The following PTPRD variants were observed in gnomAD, a reference collection of about 807,000 sequenced individuals.
PTPRD encodes receptor-type tyrosine-protein phosphatase delta.
A neutral mutation model predicts 214.5 loss-of-function variants in PTPRD; 34 were observed. The ratio of observed to expected loss-of-function variants is 0.16; its 90% CI spans 0.12 to 0.21. PTPRD has a LOEUF of 0.21. Among genes scored for constraint, PTPRD ranks in the 10% least tolerant of loss-of-function variants. The pLI, the probability that PTPRD is intolerant of heterozygous loss-of-function variation, is 1.00. For missense variants in PTPRD, 2,545 were observed against 2,398.7 expected (o/e 1.06, Z -1.27); for synonymous variants, 1,128 against 845.7 (o/e 1.33, Z -5.79).
Position 9,477,460 on chromosome 9 carries a change from T to C in PTPRD, c.-236-79978A>G, listed in dbSNP as rs559519191. 3.9e-5 allele frequency among the ~76,000 whole-genome samples: 6 copies of C among 152,324 alleles called. No homozygotes were observed. In the South Asian group the frequency reaches 1.0e-3, roughly 26 times the overall value. On this transcript the variant is annotated intron_variant, in intron 8 of 45. Coordinates refer to ENST00000381196, the MANE Select transcript of PTPRD (RefSeq NM_002839.4). The stretch of plus-strand genomic sequence containing the variant: ...TATTAAATCAAAACTATCTGAGGCA[T>C]AAGAGGAGGTGTAGTCACCCCACTC...
intron 10 of PTPRD, among the ~76,000 whole-genome samples, chr9:9,036,358 C>CA (rs2099621869): frequency 6.6e-6 from 1 of 151,870 alleles, no homozygotes; most frequent in Admixed American, 6.6e-5. Flanking sequence ...CAAGTGAAGA[C>CA]ACTGAGACAA....
intron 4 of PTPRD, among the ~76,000 whole-genome samples, chr9:10,023,725 G>T (rs1177649190): frequency 6.7e-6 from 1 of 150,034 alleles, no homozygotes. Flanking sequence ...TGCAATTTAG[G>T]GCCTAAGTAC....
chr9:10,501,832 T>C (rs2043824128), intron 2 of PTPRD, among the ~76,000 whole-genome samples: 1 of 151,970 alleles, frequency 6.6e-6, no homozygotes, highest in African/African-American at 2.4e-5. Flanking sequence ...ACAGAAGGTA[T>C]AGACGAATGC....
intron 2 of PTPRD, among the ~76,000 whole-genome samples, chr9:10,512,186 G>GAAGGT (rs79401803): frequency 2.0e-5 from 3 of 150,796 alleles, no homozygotes; most frequent in South Asian, 2.1e-4. Flanking sequence ...TACAAAAAAA[G>GAAGGT]CTTATTTACC....
chr9:10,182,259 C>CAAAAAAAAAA (rs3075574), intron 3 of PTPRD, among the ~76,000 whole-genome samples: 14 of 54,440 alleles, frequency 2.6e-4, no homozygotes, highest in African/African-American at 6.4e-4. Flanking sequence ...GACTCTGCCT[C>CAAAAAAAAAA]AAAAAAAAAA....
At chr9:9,119,856 C>A (rs113062860) in intron 10 of PTPRD, among the ~76,000 whole-genome samples, 3,415 of 150,976 alleles carry the variant, frequency 0.023, 68 homozygotes, top group East Asian at 0.071. Flanking sequence ...TTTAATCTCA[C>A]AGAGAAAGAT....
intron 7 of PTPRD, among the ~76,000 whole-genome samples, chr9:9,576,518 A>T (rs9407428): frequency 6.6e-6 from 1 of 151,932 alleles, no homozygotes; most frequent in East Asian, 1.9e-4. Flanking sequence ...CCTCTCAAAA[A>T]AATCTAGTGT....
chr9:10,408,820 T>C (rs2154504055), intron 2 of PTPRD, among the ~76,000 whole-genome samples: 1 of 151,860 alleles, frequency 6.6e-6, no homozygotes, highest in South Asian at 2.1e-4. Flanking sequence ...TTGAGGGAAT[T>C]ACAGAAACAA....
intron 11 of PTPRD, among the ~76,000 whole-genome samples, chr9:8,798,735 A>C (rs2096501350): frequency 6.6e-6 from 1 of 152,210 alleles, no homozygotes; most frequent in South Asian, 2.1e-4. Context: ...ACAGGTAGTT[A>C]AATGCATTTA....
At chr9:9,686,163 T>C (rs985000267) in intron 7 of PTPRD, among the ~76,000 whole-genome samples, 1 of 151,384 alleles carries the variant, frequency 6.6e-6, no homozygotes, top group Non-Finnish European at 1.5e-5. Context: ...TTTTTTTTAA[T>C]TTTCAAATGT....
At chr9:9,626,659 T>C (rs1328367933) in intron 7 of PTPRD, among the ~76,000 whole-genome samples, 1 of 152,214 alleles carries the variant, frequency 6.6e-6, no homozygotes, top group Non-Finnish European at 1.5e-5. Context: ...TGAGTATTTA[T>C]GACACAAGTA....
intron 5 of PTPRD, among the ~76,000 whole-genome samples, chr9:9,893,929 C>A (rs1018610346): frequency 1.3e-5 from 2 of 152,018 alleles, no homozygotes; most frequent in Non-Finnish European, 2.9e-5. Flanking sequence ...CCTCCTGTCT[C>A]AACCTTTTGA....
chr9:10,208,050 T>C (rs1489190001), intron 3 of PTPRD, among the ~76,000 whole-genome samples: 1 of 152,176 alleles, frequency 6.6e-6, no homozygotes, highest in Non-Finnish European at 1.5e-5. Flanking sequence ...TTGTCGATCA[T>C]AAACCTAAAT....
At chr9:9,062,556 TTATCTATCTATC>T (rs33937021) in intron 10 of PTPRD, among the ~76,000 whole-genome samples, 80 of 149,660 alleles carry the variant, frequency 5.3e-4, no homozygotes, top group African/African-American at 1.9e-3. Context: ...TCTCCATATA[TTATCTATCTATC>T]TATCTATCTA....
chr9:10,026,370 G>T (rs527898853), intron 4 of PTPRD, among the ~76,000 whole-genome samples: 4 of 152,108 alleles, frequency 2.6e-5, no homozygotes, highest in Non-Finnish European at 4.4e-5. Flanking sequence ...AAATAACCAT[G>T]GGACTGGAAA....
intron 3 of PTPRD, among the ~76,000 whole-genome samples, chr9:10,263,779 A>T (rs533186162): frequency 6.6e-6 from 1 of 152,164 alleles, no homozygotes; most frequent in African/African-American, 2.4e-5. Context: ...CACCAAGACA[A>T]TGGTGAAAAC....
chr9:8,396,380 T>A (rs2091173015), intron 36 of PTPRD, among the ~76,000 whole-genome samples: 1 of 152,110 alleles, frequency 6.6e-6, no homozygotes, highest in Non-Finnish European at 1.5e-5. Context: ...TAAAAATAAT[T>A]CTTTTACAAT....
At chr9:8,989,297 T>C (rs750774723) in intron 11 of PTPRD, among the ~76,000 whole-genome samples, 14 of 152,102 alleles carry the variant, frequency 9.2e-5, no homozygotes, top group Non-Finnish European at 1.9e-4. Flanking sequence ...TACTATTGAA[T>C]ACTAGAACTG....
At chr9:9,835,707 G>T (rs921006977) in intron 5 of PTPRD, among the ~76,000 whole-genome samples, 2 of 152,046 alleles carry the variant, frequency 1.3e-5, no homozygotes, top group African/African-American at 4.8e-5. Flanking sequence ...AGTATTTCCT[G>T]ATCTACTTCA....
Sources: allele counts gnomAD v4.1 joint callset (sites outside exome capture counted in the v4.1 genomes callset), GRCh38; gene constraint gnomAD v4.1.1; transcripts MANE v1.5; gene names NCBI Gene and HGNC (gene_info 2026-07-23, HGNC 2026-07-21).